Variants in NRG1 observed in about 807,000 individuals in gnomAD.
NRG1 encodes pro-neuregulin-1, membrane-bound isoform.
NRG1 carries 18 observed loss-of-function variants against 63.8 expected under a neutral mutation model. The ratio of observed to expected loss-of-function variants is 0.28; its 90% CI spans 0.19 to 0.42. The LOEUF (loss-of-function observed/expected upper bound fraction) is 0.42. Ranked by LOEUF, NRG1 falls within the 10% of genes least tolerant of loss-of-function variation. NRG1 has a pLI of 1.00. For synonymous variants in NRG1, 302 were observed against 301.3 expected (o/e 1.00, Z -0.02); for missense variants, 762 against 814.7 (o/e 0.94, Z 0.79).
At chr8:32,293,551 AC>A (rs1364444205) in intron 1 of NRG1, among the ~76,000 whole-genome samples, 1 of 152,192 alleles carries the variant, frequency 6.6e-6, no homozygotes, top group Non-Finnish European at 1.5e-5. Flanking sequence ...ACTAATATGG[AC>A]AATGATTTCT....
chr8:32,270,360 G>A (rs568795708), intron 1 of NRG1, among the ~76,000 whole-genome samples: 1 of 152,282 alleles, frequency 6.6e-6, no homozygotes, highest in South Asian at 2.1e-4. Context: ...ATAGAATACA[G>A]GTGGCATCAC....
At chr8:32,087,524 C>T (rs1314721626) in intron 1 of NRG1, among the ~76,000 whole-genome samples, 1 of 108,228 alleles carries the variant, frequency 9.2e-6, no homozygotes, top group Non-Finnish European at 1.7e-5. Context: ...CTCTGTCACT[C>T]AGGCTGGAGT....
chr8:32,650,818 A>G (rs763281986), intron 5 of NRG1, among the ~76,000 whole-genome samples: 2 of 152,180 alleles, frequency 1.3e-5, no homozygotes, highest in Admixed American at 6.5e-5. Flanking sequence ...ACATTATCAT[A>G]TGTGAAACAT....
intron 1 of NRG1, among the ~76,000 whole-genome samples, chr8:32,186,000 T>A (rs1563884886): frequency 6.6e-6 from 1 of 152,216 alleles, no homozygotes; most frequent in Non-Finnish European, 1.5e-5. Context: ...AGGTTAGATC[T>A]TATAGAAGTT....
intron 1 of NRG1, among the ~76,000 whole-genome samples, chr8:32,403,523 G>A (rs1443016910): frequency 6.6e-6 from 1 of 152,098 alleles, no homozygotes; most frequent in Non-Finnish European, 1.5e-5. Flanking sequence ...TAAGATAAAA[G>A]AGCTTATTCA....
intron 1 of NRG1, among the ~76,000 whole-genome samples, chr8:32,377,533 C>T (rs1020722502): frequency 4.6e-5 from 7 of 152,140 alleles, no homozygotes; most frequent in African/African-American, 1.7e-4. Flanking sequence ...AACACAAAAA[C>T]ACATCATCAA....
intron 1 of NRG1, among the ~76,000 whole-genome samples, chr8:31,807,183 C>A (rs531460199): frequency 6.6e-6 from 1 of 152,280 alleles, no homozygotes; most frequent in East Asian, 1.9e-4. Flanking sequence ...AATTTTCTTT[C>A]AACATGGCAA....
intron 1 of NRG1, among the ~76,000 whole-genome samples, chr8:31,787,995 A>G (rs1201917738): frequency 6.6e-6 from 1 of 152,150 alleles, no homozygotes. Flanking sequence ...ACATGTATTA[A>G]CCCAATTTTG....
chr8:32,144,970 C>A (rs1413341988), intron 1 of NRG1, among the ~76,000 whole-genome samples: 2 of 152,102 alleles, frequency 1.3e-5, no homozygotes. Flanking sequence ...GTTATTCGAT[C>A]TTTTCTTTTC....
intron 1 of NRG1, among the ~76,000 whole-genome samples, chr8:32,428,346 T>TG (rs1817676542): frequency 6.6e-6 from 1 of 151,698 alleles, no homozygotes; most frequent in South Asian, 2.1e-4. Context: ...TGAATTCTTT[T>TG]TTTTTTTTTC....
At chr8:32,110,352 G>A (rs1831847388) in intron 1 of NRG1, among the ~76,000 whole-genome samples, 1 of 151,902 alleles carries the variant, frequency 6.6e-6, no homozygotes, top group Non-Finnish European at 1.5e-5. Flanking sequence ...GGAGAGAAGG[G>A]GAGAATGGAA....
At chr8:31,745,279 C>T (rs1041194089) in intron 1 of NRG1, among the ~76,000 whole-genome samples, 1 of 151,932 alleles carries the variant, frequency 6.6e-6, no homozygotes, top group African/African-American at 2.4e-5. Flanking sequence ...ACACAGGGAA[C>T]GGCCTGCGCA....
At chr8:31,854,957 T>C (rs1220748946) in intron 1 of NRG1, among the ~76,000 whole-genome samples, 1 of 152,232 alleles carries the variant, frequency 6.6e-6, no homozygotes, top group African/African-American at 2.4e-5. Flanking sequence ...TCTAGTTTGA[T>C]TGCACTGTGA....
intron 1 of NRG1, among the ~76,000 whole-genome samples, chr8:31,767,233 G>T (rs1276089901): frequency 6.6e-6 from 1 of 152,156 alleles, no homozygotes; most frequent in African/African-American, 2.4e-5. Context: ...CTCAGGAACA[G>T]AAGTGTAGAA....
intron 1 of NRG1, among the ~76,000 whole-genome samples, chr8:32,092,461 C>CAAAAAAAAAAAAAAAAAAAA (rs71208167): frequency 2.4e-5 from 2 of 83,680 alleles, no homozygotes; most frequent in Non-Finnish European, 4.5e-5. Context: ...GACCCTGTCT[C>CAAAAAAAAAAAAAAAAAAAA]AAAAAAAAAA....
At chr8:32,728,050 C>G (rs149003552) in exon 6 of NRG1, 2 of 1,613,842 alleles carry the variant, frequency 1.2e-6, no homozygotes, top group African/African-American at 2.7e-5. Flanking sequence ...GGTGAAAGAC[C>G]TTTCAAACCC....
chr8:32,732,437 A>G (rs1292740768), intron 6 of NRG1, among the ~76,000 whole-genome samples: 1 of 152,082 alleles, frequency 6.6e-6, no homozygotes. Flanking sequence ...TAATCTAAAA[A>G]TTATTTTATA....
intron 1 of NRG1, among the ~76,000 whole-genome samples, chr8:31,981,945 CA>C (rs1234153670): frequency 2.0e-5 from 3 of 151,856 alleles, no homozygotes; most frequent in Non-Finnish European, 4.4e-5. Flanking sequence ...GTCATCTAAT[CA>C]AAATGGTAGA....
chr8:31,792,798 G>T (rs1481359141), intron 1 of NRG1, among the ~76,000 whole-genome samples: 1 of 152,140 alleles, frequency 6.6e-6, no homozygotes, highest in Non-Finnish European at 1.5e-5. Flanking sequence ...TCACAGTGAG[G>T]CTGTTAAAAC....
Sources: gnomAD v4.1 joint callset for allele counts (sites outside exome capture counted in the v4.1 genomes callset) on GRCh38, gnomAD v4.1.1 for gene constraint, MANE v1.5 for transcripts, NCBI Gene and HGNC (gene_info 2026-07-23, HGNC 2026-07-21) for gene names.